The following SDHAF3 variants were observed in gnomAD, a reference collection of about 807,000 sequenced individuals.
SDHAF3 encodes the protein succinate dehydrogenase complex assembly factor 3.
In SDHAF3, 18 loss-of-function variants were observed where a neutral mutation model predicts 11.5. The observed-to-expected ratio is 1.56, with a 90% CI of 1.08 to 2.32. The LOEUF (loss-of-function observed/expected upper bound fraction) is 2.32. Ranked by LOEUF, SDHAF3 falls within the 30% of genes most tolerant of loss-of-function variation. The pLI is 0.00. For synonymous variants in SDHAF3, 72 were observed against 59.3 expected (o/e 1.21, Z -0.99); for missense variants, 200 against 154.4 (o/e 1.30, Z -1.57).
At chr7:97,125,156 T>C (rs1791556664) in intron 1 of SDHAF3, among the ~76,000 whole-genome samples, 1 of 152,132 alleles carries the variant, frequency 6.6e-6, no homozygotes, top group Non-Finnish European at 1.5e-5. Context: ...CAGCGGTCTA[T>C]TTTGTTAATC....
chr7:97,152,044 T>G (rs1243809113), intron 1 of SDHAF3, among the ~76,000 whole-genome samples: 1 of 152,188 alleles, frequency 6.6e-6, no homozygotes, highest in Non-Finnish European at 1.5e-5. Context: ...TCTGTGAGTT[T>G]AGACAAATGT....
intron 1 of SDHAF3, among the ~76,000 whole-genome samples, chr7:97,118,508 A>G (rs1403079119): frequency 6.6e-6 from 1 of 151,626 alleles, no homozygotes; most frequent in African/African-American, 2.4e-5. Flanking sequence ...CCATTGCGCT[A>G]AATATTAAAC....
intron 1 of SDHAF3, among the ~76,000 whole-genome samples, chr7:97,158,209 A>G (rs952374545): frequency 6.6e-6 from 1 of 152,202 alleles, no homozygotes; most frequent in African/African-American, 2.4e-5. Context: ...GAACACTTTT[A>G]GCAGGCTAAC....
chr7:97,140,164 C>T (rs190807573), intron 1 of SDHAF3, among the ~76,000 whole-genome samples: 1 of 152,136 alleles, frequency 6.6e-6, no homozygotes, highest in Non-Finnish European at 1.5e-5. Context: ...GTTGTTTTGA[C>T]TCTGACTGTT....
intron 1 of SDHAF3, among the ~76,000 whole-genome samples, chr7:97,155,358 G>T (rs573662934): frequency 1.5e-4 from 23 of 152,298 alleles, no homozygotes; most frequent in Middle Eastern, 3.4e-3. Flanking sequence ...CTATTGGACA[G>T]TGTAGCTCTG....
At chr7:97,137,630 C>T (rs181194569) in intron 1 of SDHAF3, among the ~76,000 whole-genome samples, 14 of 152,254 alleles carry the variant, frequency 9.2e-5, no homozygotes, top group Non-Finnish European at 1.2e-4. Context: ...TACATAGTAT[C>T]TTTAAGGACT....
intron 1 of SDHAF3, among the ~76,000 whole-genome samples, chr7:97,157,132 A>T (rs981373464): frequency 1.3e-5 from 2 of 152,188 alleles, no homozygotes; most frequent in Non-Finnish European, 2.9e-5. Flanking sequence ...CTTGCTGTGT[A>T]TAATCTCTGT....
chr7:97,136,257 T>G (rs2115652385), intron 1 of SDHAF3: 1 of 457,276 alleles, frequency 2.2e-6, no homozygotes, highest in South Asian at 5.5e-5. Context: ...AAACATAACT[T>G]TTAGGTATAT....
chr7:97,173,307 T>C (rs1170822653), intron 1 of SDHAF3, among the ~76,000 whole-genome samples: 1 of 152,180 alleles, frequency 6.6e-6, no homozygotes, highest in African/African-American at 2.4e-5. Context: ...ATATATGCAT[T>C]TTTTTAATTT....
chr7:97,149,345 A>G (rs1235737338), intron 1 of SDHAF3, among the ~76,000 whole-genome samples: 1 of 152,098 alleles, frequency 6.6e-6, no homozygotes. Context: ...TTTTCACTCA[A>G]GATACACTTT....
intron 1 of SDHAF3, among the ~76,000 whole-genome samples, chr7:97,137,868 CTTTTTTTTTT>C (rs11381462): frequency 1.4e-5 from 1 of 69,108 alleles, no homozygotes; most frequent in Non-Finnish European, 2.6e-5. Context: ...ATTCCATTCG[CTTTTTTTTTT>C]TTTTTTTTTT....
At chr7:97,144,395 A>G (rs1789104612) in intron 1 of SDHAF3, among the ~76,000 whole-genome samples, 1 of 152,180 alleles carries the variant, frequency 6.6e-6, no homozygotes, top group Non-Finnish European at 1.5e-5. Flanking sequence ...TCCTAAGCCA[A>G]TGTCTAGAAA....
chr7:97,143,956 T>C lies in SDHAF3; in HGVS notation c.174+26059T>C, dbSNP rs1789096171. On this transcript the variant is annotated intron_variant, in intron 1 of 1. Coordinates refer to ENST00000432641, the MANE Select transcript of SDHAF3 (RefSeq NM_020186.3). Reference sequence around the variant, plus strand: ...TACTGGTTTACATTCCCACCAGCAGTGTAGAAGTGTCCGCTGATCACCGCA... The same window carrying C: ...TACTGGTTTACATTCCCACCAGCAGCGTAGAAGTGTCCGCTGATCACCGCA... Among the ~76,000 whole-genome samples, 4 of 152,184 alleles carry C rather than the reference T, an allele frequency of 2.6e-5. No homozygotes were observed. The South Asian group carries it at 8.3e-4, about 32-fold the overall frequency.
At chr7:97,146,113 TCC>T (rs60648502) in intron 1 of SDHAF3, among the ~76,000 whole-genome samples, 31 of 151,234 alleles carry the variant, frequency 2.0e-4, no homozygotes, top group African/African-American at 6.8e-4. Context: ...AAATAGGCTT[TCC>T]CCCCCCCACT....
intron 1 of SDHAF3, among the ~76,000 whole-genome samples, chr7:97,145,499 T>C (rs1221390944): frequency 6.6e-6 from 1 of 152,174 alleles, no homozygotes; most frequent in Non-Finnish European, 1.5e-5. Context: ...CTGAATAGTG[T>C]TTAAATAATT....
In SDHAF3 at chr7:97,117,769, G is replaced by A. The variant is rs200931881; in HGVS notation, c.46G>A (p.Val16Ile). The change falls in exon 1 of 2, where the codon GTC becomes ATC. Residue 16 changes from valine (V) to isoleucine (I), a missense_variant. Val to Ile is a conservative substitution (Grantham distance 29). Transcript: ENST00000432641. ...VSRVRALYKRVLQLHRVLPPD... is the reference protein window; with the variant it reads ...VSRVRALYKRILQLHRVLPPD... Reference sequence around the variant, plus strand: ...TCGAGTCCGGGCATTGTACAAGCGCGTCTTGCAGCTGCACCGTGTTCTGCC... The same window carrying A: ...TCGAGTCCGGGCATTGTACAAGCGCATCTTGCAGCTGCACCGTGTTCTGCC... The A allele has an allele frequency of 1.9e-6, 3 of 1,614,094 alleles. No homozygotes were observed. Among genetic ancestry groups the A allele is most frequent in the Non-Finnish European group, 2.5e-6 (3 of 1,180,030 alleles).
intron 1 of SDHAF3, among the ~76,000 whole-genome samples, chr7:97,150,034 T>G (rs1027719971): frequency 6.6e-6 from 1 of 152,248 alleles, no homozygotes; most frequent in Non-Finnish European, 1.5e-5. Flanking sequence ...AGAAATCACT[T>G]TCTTTGCTCA....
At chr7:97,146,650 A>C (rs1789138970) in intron 1 of SDHAF3, among the ~76,000 whole-genome samples, 1 of 152,158 alleles carries the variant, frequency 6.6e-6, no homozygotes. Context: ...TTTATGATTA[A>C]TAGAGAAAAC....
At chr7:97,141,671 T>G (rs2115667415) in intron 1 of SDHAF3, among the ~76,000 whole-genome samples, 1 of 152,296 alleles carries the variant, frequency 6.6e-6, no homozygotes, top group Non-Finnish European at 1.5e-5. Flanking sequence ...TTTTTTGTAT[T>G]TTTAAGTAGA....
Sources: allele counts gnomAD v4.1 joint callset (sites outside exome capture counted in the v4.1 genomes callset), GRCh38; gene constraint gnomAD v4.1.1; transcripts MANE v1.5; gene names NCBI Gene and HGNC (gene_info 2026-07-23, HGNC 2026-07-21).